TCF12: variants seen among roughly 807,000 people sequenced by gnomAD.
TCF12 encodes DNA-binding protein HTF4.
A neutral mutation model predicts 86.0 loss-of-function variants in TCF12; 45 were observed. The observed-to-expected ratio is 0.52, with a 90% CI of 0.41 to 0.67. TCF12 has a LOEUF of 0.67. Among genes scored for constraint, TCF12 ranks in the 30% least tolerant of loss-of-function variants. TCF12 has a pLI of 0.00. For missense variants in TCF12, 881 were observed against 859.9 expected, an observed-to-expected ratio of 1.02 and a Z score of -0.31; for synonymous variants, 330 against 299.6, an observed-to-expected ratio of 1.10 and a Z score of -1.05.
intron 8 of TCF12, among the ~76,000 whole-genome samples, chr15:57,206,749 A>G (rs1597315013): frequency 6.6e-6 from 1 of 151,696 alleles, no homozygotes; most frequent in East Asian, 1.9e-4. Context: ...TATTACAGAC[A>G]CTTAACTTAA....
intron 5 of TCF12, among the ~76,000 whole-genome samples, chr15:57,159,926 T>G (rs1369553691): frequency 6.6e-6 from 1 of 152,190 alleles, no homozygotes; most frequent in African/African-American, 2.4e-5. Flanking sequence ...GTCTGGAAAT[T>G]TTTAGGTATT....
intron 8 of TCF12, among the ~76,000 whole-genome samples, chr15:57,228,538 TAC>T (rs1162309093): frequency 2.0e-5 from 3 of 152,064 alleles, no homozygotes; most frequent in Non-Finnish European, 2.9e-5. Context: ...ATTTTCTCCA[TAC>T]AACTTCAAAA....
At chr15:56,976,655 T>C (rs1652736) in intron 3 of TCF12, among the ~76,000 whole-genome samples, 141,821 of 152,152 alleles carry the variant, frequency 0.93, 66,594 homozygotes, top group Non-Finnish European at 0.99. Context: ...AGAAGACAGC[T>C]AGACACATTT....
intron 3 of TCF12, among the ~76,000 whole-genome samples, chr15:56,938,910 G>A (rs1311242395): frequency 1.3e-5 from 2 of 152,094 alleles, no homozygotes; most frequent in African/African-American, 2.4e-5. Context: ...TTTGTTCCCT[G>A]CTGGGTATCA....
intron 3 of TCF12, among the ~76,000 whole-genome samples, chr15:56,962,932 A>G (rs1160919496): frequency 6.6e-6 from 1 of 152,120 alleles, no homozygotes. Context: ...AAGTTTATAC[A>G]GAAGAATTAA....
intron 18 of TCF12, among the ~76,000 whole-genome samples, chr15:57,271,861 A>G (rs2061160820): frequency 6.6e-6 from 1 of 152,234 alleles, no homozygotes; most frequent in Admixed American, 6.5e-5. Flanking sequence ...GTTAAAATGT[A>G]TATATTTTGT....
intron 8 of TCF12, among the ~76,000 whole-genome samples, chr15:57,216,565 A>T (rs1304556497): frequency 3.4e-5 from 2 of 58,426 alleles, no homozygotes; most frequent in Admixed American, 1.7e-4. Flanking sequence ...TGTTCCTTTA[A>T]AAAAAAAAAA....
At chr15:57,259,467 A>C (rs182302278) in intron 16 of TCF12, among the ~76,000 whole-genome samples, 1 of 152,248 alleles carries the variant, frequency 6.6e-6, no homozygotes, top group Non-Finnish European at 1.5e-5. Context: ...TTATTCATCA[A>C]CTAATTAGAT....
intron 3 of TCF12, among the ~76,000 whole-genome samples, chr15:56,970,362 C>T (rs1027189948): frequency 1.3e-4 from 19 of 151,482 alleles, no homozygotes; most frequent in African/African-American, 4.6e-4. Flanking sequence ...CACCTGTAGT[C>T]CCAGCTACTC....
chr15:57,018,125 C>T (rs1282993369), intron 3 of TCF12, among the ~76,000 whole-genome samples: 2 of 152,066 alleles, frequency 1.3e-5, no homozygotes, highest in Admixed American at 6.6e-5. Flanking sequence ...AAGTAGAGAG[C>T]GTATTGGGGC....
At chr15:57,142,913 A>G (rs769397293) in intron 5 of TCF12, among the ~76,000 whole-genome samples, 1 of 152,246 alleles carries the variant, frequency 6.6e-6, no homozygotes, top group African/African-American at 2.4e-5. Context: ...ATGAAAGTCA[A>G]GAAAGTTGAC....
chr15:57,068,549 C>T (rs1475981584), intron 4 of TCF12, among the ~76,000 whole-genome samples: 8 of 152,244 alleles, frequency 5.3e-5, no homozygotes, highest in African/African-American at 1.7e-4. Flanking sequence ...TCTCTTCCTG[C>T]CAAACTTGGA....
At chr15:57,219,489 T>G in intron 8 of TCF12, 8 of 1,605,096 alleles carry the variant, frequency 5.0e-6, no homozygotes, top group Non-Finnish European at 6.8e-6. Context: ...GCTGTGTGCA[T>G]TAGCTACAAA....
At chr15:57,203,838 C>T (rs959131048) in intron 8 of TCF12, among the ~76,000 whole-genome samples, 17 of 152,064 alleles carry the variant, frequency 1.1e-4, no homozygotes, top group African/African-American at 3.6e-4. Flanking sequence ...GCCTGAGCAA[C>T]CTAGTGAGAC....
intron 3 of TCF12, among the ~76,000 whole-genome samples, chr15:57,013,047 T>A (rs975938084): frequency 1.3e-5 from 2 of 152,084 alleles, no homozygotes; most frequent in African/African-American, 2.4e-5. Flanking sequence ...TTTTTTTTTT[T>A]ATGTGTGTGA....
intron 6 of TCF12, among the ~76,000 whole-genome samples, chr15:57,177,631 A>AGAGAGT (rs1159198738): frequency 6.6e-6 from 1 of 151,708 alleles, no homozygotes; most frequent in African/African-American, 2.4e-5. Context: ...AGAGAGAGAG[A>AGAGAGT]GAGAGAGTTG....
At chr15:57,180,299 CAT>C (rs1278261536) in intron 6 of TCF12, among the ~76,000 whole-genome samples, 1 of 152,058 alleles carries the variant, frequency 6.6e-6, no homozygotes, top group Non-Finnish European at 1.5e-5. Flanking sequence ...GTTACTCTGT[CAT>C]AATCTCTGAA....
intron 3 of TCF12, among the ~76,000 whole-genome samples, chr15:57,017,855 T>G (rs1688536672): frequency 6.6e-6 from 1 of 152,050 alleles, no homozygotes; most frequent in Admixed American, 6.6e-5. Context: ...ACATGTATAT[T>G]TCTTCTTCTT....
At chr15:57,022,993 GT>G (rs1435542545) in intron 3 of TCF12, among the ~76,000 whole-genome samples, 2 of 152,076 alleles carry the variant, frequency 1.3e-5, no homozygotes, top group Admixed American at 6.6e-5. Context: ...GCTCCAGGTG[GT>G]TTTCCTTCTC....
Sources: gnomAD v4.1 joint callset for allele counts (sites outside exome capture counted in the v4.1 genomes callset) on GRCh38, gnomAD v4.1.1 for gene constraint, MANE v1.5 for transcripts, NCBI Gene and HGNC (gene_info 2026-07-23, HGNC 2026-07-21) for gene names.